Variants in FUT8 observed in about 807,000 individuals in gnomAD.
FUT8 encodes fucosyltransferase 8, also known as alpha-(1,6)-fucosyltransferase.
A neutral mutation model predicts 71.3 loss-of-function variants in FUT8; 29 were observed. The ratio of observed to expected loss-of-function variants is 0.41; its 90% CI spans 0.30 to 0.55. FUT8 has a LOEUF of 0.55. Ranked by LOEUF, FUT8 falls within the 20% of genes least tolerant of loss-of-function variation. The pLI, the probability that FUT8 is intolerant of heterozygous loss-of-function variation, is 0.34. For missense variants in FUT8, 544 were observed against 702.1 expected (o/e 0.77, Z 2.55); for synonymous variants, 254 against 239.3 (o/e 1.06, Z -0.57).
At chr14:65,528,329 G>A (rs1011914712) in intron 2 of FUT8, among the ~76,000 whole-genome samples, 56 of 152,338 alleles carry the variant, frequency 3.7e-4, no homozygotes, top group African/African-American at 1.3e-3. Context: ...AGGCTCCGTG[G>A]ACATGGGACC....
At chr14:65,502,818 T>C (rs2066667924) in intron 2 of FUT8, among the ~76,000 whole-genome samples, 1 of 152,234 alleles carries the variant, frequency 6.6e-6, no homozygotes, top group Admixed American at 6.5e-5. Context: ...TTTTAATGTG[T>C]ATATGAATCA....
At chr14:65,540,726 G>C (rs1022474570) in intron 2 of FUT8, among the ~76,000 whole-genome samples, 5 of 152,232 alleles carry the variant, frequency 3.3e-5, no homozygotes, top group African/African-American at 1.2e-4. Context: ...CTGTTGAGAT[G>C]GAATGGTTTA....
At chr14:65,487,314 A>T (rs1489964349) in intron 2 of FUT8, among the ~76,000 whole-genome samples, 1 of 152,202 alleles carries the variant, frequency 6.6e-6, no homozygotes, top group African/African-American at 2.4e-5. Context: ...CTGTAATCCC[A>T]GCACTTTGGG....
At chr14:65,634,576 A>G (rs948058070) in intron 6 of FUT8, among the ~76,000 whole-genome samples, 3 of 150,652 alleles carry the variant, frequency 2.0e-5, no homozygotes, top group Non-Finnish European at 3.0e-5. Flanking sequence ...AAAAAAAAAA[A>G]AAAAAGAAAA....
chr14:65,631,001 A>G (rs1194395057), intron 6 of FUT8, among the ~76,000 whole-genome samples: 2 of 152,240 alleles, frequency 1.3e-5, no homozygotes, highest in African/African-American at 2.4e-5. Context: ...ACACTTAAAT[A>G]GGAAAAAATA....
intron 7 of FUT8, among the ~76,000 whole-genome samples, chr14:65,676,653 T>C (rs1244315888): frequency 6.7e-6 from 1 of 149,258 alleles, no homozygotes; most frequent in Non-Finnish European, 1.5e-5. Flanking sequence ...CTTTTGTAAG[T>C]ATTTGGGTTT....
chr14:65,692,003 T>C (rs1161390750), intron 7 of FUT8, among the ~76,000 whole-genome samples: 1 of 151,868 alleles, frequency 6.6e-6, no homozygotes, highest in Non-Finnish European at 1.5e-5. Context: ...GTCTACTTCT[T>C]TCTACACAGA....
intron 2 of FUT8, among the ~76,000 whole-genome samples, chr14:65,461,032 T>C (rs2065961969): frequency 6.6e-6 from 1 of 152,226 alleles, no homozygotes; most frequent in South Asian, 2.1e-4. Context: ...CTAGGGCTGC[T>C]ATAACAAAGC....
the FUT8 span, among the ~76,000 whole-genome samples, chr14:65,383,840 A>AACCAAAG: frequency 6.6e-6 from 1 of 152,218 alleles, no homozygotes. Flanking sequence ...TGGTTGAGAT[A>AACCAAAG]ACCAAAGACT....
At chr14:65,547,478 G>T (rs1885045854) in intron 2 of FUT8, among the ~76,000 whole-genome samples, 1 of 151,556 alleles carries the variant, frequency 6.6e-6, no homozygotes, top group Non-Finnish European at 1.5e-5. Flanking sequence ...AATTAGAAAT[G>T]AGGAGGGGGC....
intron 2 of FUT8, chr14:65,479,783 A>G (rs1374317295): frequency 6.6e-6 from 1 of 152,220 alleles, no homozygotes; most frequent in African/African-American, 2.4e-5. Context: ...GTGTCCAGAA[A>G]GGTGGGGTAA....
chr14:65,482,976 A>G (rs1219408513), intron 2 of FUT8, among the ~76,000 whole-genome samples: 3 of 152,166 alleles, frequency 2.0e-5, no homozygotes, highest in African/African-American at 7.2e-5. Context: ...CACCATTATC[A>G]GGCTTCTGCA....
chr14:65,643,250 C>T lies in FUT8; in HGVS notation c.597+13644C>T, dbSNP rs767954546. On this transcript the variant is annotated intron_variant, in intron 6 of 10. Transcript: ENST00000673929. The surrounding 1 kb of genome is among the most constrained non-coding windows in gnomAD (Gnocchi z 4.5). The stretch of plus-strand genomic sequence containing the variant: ...TTCAGTTTACATATTTTTATATATT[C>T]AAATTCTCTTAATTATCAATAATAA... Among the ~76,000 whole-genome samples, 22 of 152,220 alleles carry T rather than the reference C, an allele frequency of 1.4e-4. No individual in the cohort carries two copies. Among genetic ancestry groups the T allele is most frequent in the Non-Finnish European group, 2.2e-4 (15 of 68,006 alleles).
intron 7 of FUT8, among the ~76,000 whole-genome samples, chr14:65,684,638 AAGGGAAGAACCTG>A: frequency 6.6e-6 from 1 of 152,300 alleles, no homozygotes; most frequent in East Asian, 1.9e-4. Flanking sequence ...CCGAGGTGTT[AAGGGAAGAACCTG>A]ATGGAAGGTG....
At chr14:65,740,606 C>G (rs1257641780) in intron 10 of FUT8, among the ~76,000 whole-genome samples, 3 of 151,942 alleles carry the variant, frequency 2.0e-5, no homozygotes, top group African/African-American at 7.2e-5. Flanking sequence ...TCTCAGGCAA[C>G]TTACAATCAT....
intron 2 of FUT8, among the ~76,000 whole-genome samples, chr14:65,479,428 T>G (rs2066295639): frequency 6.6e-6 from 1 of 152,230 alleles, no homozygotes. Context: ...CTGGGTATTC[T>G]TGAGCTTTTA....
At chr14:65,359,512 C>T in the FUT8 span, among the ~76,000 whole-genome samples, 1 of 152,150 alleles carries the variant, frequency 6.6e-6, no homozygotes, top group Non-Finnish European at 1.5e-5. Flanking sequence ...TCTCCCCTCC[C>T]CTCAGCTCTG....
intron 5 of FUT8, among the ~76,000 whole-genome samples, chr14:65,623,072 G>C (rs964118451): frequency 6.6e-6 from 1 of 151,892 alleles, no homozygotes; most frequent in African/African-American, 2.4e-5. Flanking sequence ...TTTATTTTTT[G>C]TAGAGAGGGG....
At chr14:65,616,439 G>C in intron 5 of FUT8, 66 bp downstream of exon 5, 1 of 1,343,102 alleles carries the variant, frequency 7.4e-7, no homozygotes, top group Non-Finnish European at 1.0e-6. Context: ...ATGAGAAACA[G>C]ACTTGTTAAT....
Sources: allele counts gnomAD v4.1 joint callset (sites outside exome capture counted in the v4.1 genomes callset), GRCh38; gene constraint gnomAD v4.1.1; non-coding constraint Gnocchi (gnomAD v3.1); transcripts MANE v1.5; gene names NCBI Gene and HGNC (gene_info 2026-07-23, HGNC 2026-07-21).